Variants in SYNPR observed in about 807,000 individuals in gnomAD.
SYNPR encodes synaptoporin.
A neutral mutation model predicts 32.9 loss-of-function variants in SYNPR; 23 were observed. That is an observed-to-expected ratio of 0.70 (90% CI 0.50 to 0.99). The LOEUF (loss-of-function observed/expected upper bound fraction) is 0.99, where lower values mean the gene tolerates loss of function less well. Among genes scored for constraint, SYNPR ranks in the 50% least tolerant of loss-of-function variants. The pLI is 0.00. For synonymous variants in SYNPR, 146 were observed against 135.9 expected, an observed-to-expected ratio of 1.07 and a Z score of -0.52; for missense variants, 318 against 349.3, an observed-to-expected ratio of 0.91 and a Z score of 0.71.
chr3:63,357,461 G>A (rs6794241), intron 2 of SYNPR, among the ~76,000 whole-genome samples: 2,634 of 152,082 alleles, frequency 0.017, 72 homozygotes, highest in African/African-American at 0.059. Context: ...AGCTAAGGAC[G>A]TCACATTTTT....
At chr3:63,338,895 A>G (rs992504701) in intron 2 of SYNPR, among the ~76,000 whole-genome samples, 1 of 152,200 alleles carries the variant, frequency 6.6e-6, no homozygotes. Context: ...TCAATGTTGT[A>G]GCTCCTTCAT....
intron 2 of SYNPR, among the ~76,000 whole-genome samples, chr3:63,338,878 C>T (rs1031775043): frequency 6.6e-6 from 1 of 152,220 alleles, no homozygotes; most frequent in East Asian, 1.9e-4. Context: ...TCTCCTTCAA[C>T]TCTTACTCAA....
At chr3:63,539,297 C>T (rs6766156) in intron 3 of SYNPR, among the ~76,000 whole-genome samples, 1,572 of 152,040 alleles carry the variant, frequency 0.01, 32 homozygotes, top group African/African-American at 0.036. Flanking sequence ...ATAAATAAAC[C>T]CAATTTTTGG....
chr3:63,519,075 A>T (rs1283473549), intron 3 of SYNPR, among the ~76,000 whole-genome samples: 1 of 152,118 alleles, frequency 6.6e-6, no homozygotes. Context: ...ATTGATTTGC[A>T]TATGTTGAAC....
chr3:63,389,364 ATGT>A (rs1560213781), intron 2 of SYNPR, among the ~76,000 whole-genome samples: 1 of 152,186 alleles, frequency 6.6e-6, no homozygotes, highest in South Asian at 2.1e-4. Context: ...GTCTAAAATG[ATGT>A]TGTCACATTG....
At chr3:63,219,293 C>A in the SYNPR span, among the ~76,000 whole-genome samples, 2 of 152,106 alleles carry the variant, frequency 1.3e-5, no homozygotes, top group African/African-American at 4.8e-5. Context: ...TTGGCACGTC[C>A]AAGAAACGGA....
intron 1 of SYNPR, among the ~76,000 whole-genome samples, chr3:63,251,966 A>G (rs1486503773): frequency 1.3e-5 from 2 of 152,086 alleles, no homozygotes; most frequent in African/African-American, 2.4e-5. Context: ...AATGTCTTCC[A>G]TACTTGAGTT....
At chr3:63,397,748 A>G (rs77308125) in intron 2 of SYNPR, among the ~76,000 whole-genome samples, 3,428 of 152,302 alleles carry the variant, frequency 0.023, 124 homozygotes, top group African/African-American at 0.076. Flanking sequence ...CAAATCAGTT[A>G]CTTTCTCTAT....
chr3:63,373,802 G>GA (rs377488305), intron 2 of SYNPR, among the ~76,000 whole-genome samples: 176 of 150,974 alleles, frequency 1.2e-3, no homozygotes, highest in Non-Finnish European at 2.0e-3. Flanking sequence ...TGAAATGAAA[G>GA]AAAAAAAAAT....
intron 2 of SYNPR, among the ~76,000 whole-genome samples, chr3:63,421,529 T>G (rs1007324166): frequency 3.9e-5 from 6 of 151,980 alleles, no homozygotes; most frequent in African/African-American, 7.2e-5. Flanking sequence ...TTAAAAAATC[T>G]AAAAAATGAA....
In SYNPR at chr3:63,609,290, G is replaced by C; in HGVS notation, c.574G>C (p.Val192Leu). The C allele has an allele frequency of 3.8e-6, 6 of 1,592,338 alleles. No homozygotes were observed. The highest frequency in any genetic ancestry group is 5.1e-6 in the Non-Finnish European group (6 of 1,168,634). The change falls in exon 5 of 6, where the codon GTT becomes CTT. Residue 192 changes from valine to leucine, a missense_variant. Val to Leu is a conservative substitution (Grantham distance 32). Transcript: ENST00000478300. ...SNKCMAIHSP[V>L]MSSLNTSVVF... ...CAAATGCATGGCTATCCACAGCCCT[G>C]TTATGTCAAGCTTAAACACTTCTGT... is the stretch of plus-strand genomic sequence containing the variant.
At chr3:63,252,183 T>C (rs1352771971) in intron 1 of SYNPR, among the ~76,000 whole-genome samples, 1 of 152,164 alleles carries the variant, frequency 6.6e-6, no homozygotes, top group Admixed American at 6.5e-5. Flanking sequence ...AAAAATGCTA[T>C]GTGTTCTAAA....
chr3:63,567,118 C>A (rs1187754332), intron 4 of SYNPR, among the ~76,000 whole-genome samples: 1 of 152,142 alleles, frequency 6.6e-6, no homozygotes, highest in Non-Finnish European at 1.5e-5. Flanking sequence ...TAGACAAATG[C>A]AATCAGCCCT....
chr3:63,446,025 C>T (rs1400755062), intron 2 of SYNPR, among the ~76,000 whole-genome samples: 1 of 152,070 alleles, frequency 6.6e-6, no homozygotes, highest in Non-Finnish European at 1.5e-5. Flanking sequence ...ACTAAATGAG[C>T]CCACCTAGGG....
chr3:63,210,558 G>A, the SYNPR span, among the ~76,000 whole-genome samples: 557 of 152,206 alleles, frequency 3.7e-3, 2 homozygotes, highest in Non-Finnish European at 6.6e-3. Context: ...CTTGTTTTCC[G>A]TTTTCTTTCC....
chr3:63,253,562 A>G (rs1157093766), intron 2 of SYNPR, among the ~76,000 whole-genome samples: 1 of 152,220 alleles, frequency 6.6e-6, no homozygotes, highest in African/African-American at 2.4e-5. Flanking sequence ...AGATACATGA[A>G]AAAATGCTTA....
chr3:63,397,194 G>A (rs1213655427), intron 2 of SYNPR, among the ~76,000 whole-genome samples: 3 of 152,104 alleles, frequency 2.0e-5, no homozygotes, highest in East Asian at 1.9e-4. Flanking sequence ...AGGCAGAGAA[G>A]AGAAAGTGCT....
chr3:63,256,065 A>C (rs1439313872), intron 2 of SYNPR, among the ~76,000 whole-genome samples: 1 of 152,236 alleles, frequency 6.6e-6, no homozygotes, highest in Non-Finnish European at 1.5e-5. Context: ...TAAACAAAGC[A>C]GCCAGGAAGC....
intron 3 of SYNPR, among the ~76,000 whole-genome samples, chr3:63,536,933 G>C (rs1303236155): frequency 6.6e-6 from 1 of 151,972 alleles, no homozygotes; most frequent in Non-Finnish European, 1.5e-5. Flanking sequence ...GAATTTCCAG[G>C]GCTGAGGGAT....
Sources: gnomAD v4.1 joint callset for allele counts (sites outside exome capture counted in the v4.1 genomes callset) on GRCh38, gnomAD v4.1.1 for gene constraint, MANE v1.5 for transcripts, NCBI Gene and HGNC (gene_info 2026-07-23, HGNC 2026-07-21) for gene names.